The following CAPN5 variants were observed in gnomAD, a reference collection of about 807,000 sequenced individuals.
CAPN5 encodes calpain 5, also known as calpain-5.
A neutral mutation model predicts 73.0 loss-of-function variants in CAPN5; 54 were observed. The observed-to-expected ratio is 0.74, with a 90% CI of 0.59 to 0.93. The LOEUF (loss-of-function observed/expected upper bound fraction) is 0.93. Among genes scored for constraint, CAPN5 ranks in the 40% least tolerant of loss-of-function variants. The pLI is 0.00. For synonymous variants in CAPN5, 335 were observed against 356.9 expected, an observed-to-expected ratio of 0.94 and a Z score of 0.69; for missense variants, 785 against 882.9, an observed-to-expected ratio of 0.89 and a Z score of 1.41.
In CAPN5 at chr11:77,114,354, G is replaced by T. The variant is rs367724731; in HGVS notation, c.619G>T (p.Asp207Tyr). 10 of 1,614,210 alleles carry T rather than the reference G, an allele frequency of 6.2e-6. No individual in the cohort carries two copies. Among genetic ancestry groups the T allele is most frequent in the Non-Finnish European group, 8.5e-6 (10 of 1,180,046 alleles). The change falls in exon 5 of 13, where the codon GAT becomes TAT. Residue 207 changes from aspartate to tyrosine, a missense_variant. Coordinates refer to ENST00000648180, the MANE Select transcript of CAPN5 (RefSeq NM_004055.5). ...CCTGACCGAGGGTGACTTTGCCAAC[G>T]ATGAGACTAAGAGGAACCAGCTCTT... is the stretch of plus-strand genomic sequence containing the variant. The part of the protein sequence containing the change: ...IDLTEGDFAN[D>Y]ETKRNQLFER...
At chr11:77,095,987 G>T (rs1950205139) in intron 3 of CAPN5, among the ~76,000 whole-genome samples, 2 of 152,276 alleles carry the variant, frequency 1.3e-5, no homozygotes, top group East Asian at 3.9e-4. Context: ...GTGCTGCTGT[G>T]GTGCTATGGG....
intron 9 of CAPN5, 29 bp from the exon 10 acceptor site, chr11:77,120,684 C>T (rs782082909): frequency 5.1e-6 from 8 of 1,555,666 alleles, no homozygotes; most frequent in South Asian, 2.3e-5. Context: ...TGTGTCTCCG[C>T]GTGGCCCAGC....
At chr11:77,083,567 C>T (rs1003354885) in intron 1 of CAPN5, among the ~76,000 whole-genome samples, 16 of 152,218 alleles carry the variant, frequency 1.1e-4, no homozygotes, top group African/African-American at 3.9e-4. Context: ...AGCCGTGTGC[C>T]CACCGGCACT....
intron 1 of CAPN5, among the ~76,000 whole-genome samples, chr11:77,072,743 CCA>C (rs1309849722): frequency 1.3e-5 from 2 of 152,216 alleles, no homozygotes; most frequent in Non-Finnish European, 2.9e-5. Context: ...CACTGTCTCA[CCA>C]GTCTTTAAAC....
At chr11:77,080,387 A>G (rs1347758443) in intron 1 of CAPN5, among the ~76,000 whole-genome samples, 1 of 152,026 alleles carries the variant, frequency 6.6e-6, no homozygotes, top group African/African-American at 2.4e-5. Flanking sequence ...CGTTCTTATT[A>G]TTCCCCTGGG....
chr11:77,122,535 C>CCCCCCCCCCCCCCCCCCCCACACCCCCA, intron 11 of CAPN5, 41 bp from the exon 12 acceptor site: 1 of 1,255,174 alleles, frequency 8.0e-7, no homozygotes, highest in East Asian at 2.7e-5. Flanking sequence ...GCCACAGCCC[C>CCCCCCCCCCCCCCCCCCCCACACCCCCA]CACCCCCACC....
intron 1 of CAPN5, 56 bp from the exon 2 acceptor site, chr11:77,084,796 G>A (rs1462638080): frequency 6.7e-7 from 1 of 1,491,892 alleles, no homozygotes; most frequent in Non-Finnish European, 9.3e-7. Context: ...GCTTCACAGG[G>A]CACATCAGGG....
At chr11:77,093,947 C>G (rs1591124843) in intron 3 of CAPN5, 134 bp downstream of exon 3, 1 of 1,285,620 alleles carries the variant, frequency 7.8e-7, no homozygotes, top group East Asian at 2.5e-5. Flanking sequence ...GGGTGGGGGC[C>G]CCCAGTACTG....
Position 77,107,782 on chromosome 11 carries a change from C to T in CAPN5, c.298-4807C>T, listed in dbSNP as rs114164100. Among the ~76,000 whole-genome samples, 200 of 152,342 alleles carry T rather than the reference C, an allele frequency of 1.3e-3. 1 individual carries two copies. The highest frequency in any genetic ancestry group is 4.7e-3 in the African/African-American group (196 of 41,562). On this transcript the variant is annotated intron_variant, in intron 3 of 12. Transcript: ENST00000648180. Reference sequence around the variant, plus strand: ...CCAGGTCAGCCCAAGTCAGTAAAGCCTCGTAAGCATGCAGTAGGTGATGGG... The same window carrying T: ...CCAGGTCAGCCCAAGTCAGTAAAGCTTCGTAAGCATGCAGTAGGTGATGGG...
chr11:77,078,188 A>G (rs1949992896), intron 1 of CAPN5, among the ~76,000 whole-genome samples: 1 of 152,180 alleles, frequency 6.6e-6, no homozygotes, highest in South Asian at 2.1e-4. Context: ...TAGTAGTTTC[A>G]TAATTTCAGG....
chr11:77,078,087 A>G (rs536257132), intron 1 of CAPN5, among the ~76,000 whole-genome samples: 2 of 151,760 alleles, frequency 1.3e-5, no homozygotes, highest in South Asian at 4.2e-4. Context: ...CCTTTTGTCT[A>G]TTTTTGCTTT....
chr11:77,122,548 C>T, intron 11 of CAPN5, 28 bp from the exon 12 acceptor site: 1 of 1,445,660 alleles, frequency 6.9e-7, no homozygotes, highest in Non-Finnish European at 9.6e-7. Context: ...CCCCCACCCT[C>T]ACCCCATCTC....
At position 77,125,288 on chromosome 11, in the gene CAPN5, G is replaced by A. The variant is rs1437783212; in HGVS notation, c.*1418G>A. On this transcript the variant is annotated 3_prime_UTR_variant, in exon 13 of 13. Coordinates refer to ENST00000648180, the MANE Select transcript of CAPN5 (RefSeq NM_004055.5). ...GTCTGGATCAGTGTTCTGGCTGGAG[G>A]TGCTGGATTCTCTGATTTTGCCTCC... 1.3e-5 allele frequency: 2 copies of A among 152,706 alleles called. No individual in the cohort carries two copies. Among genetic ancestry groups the A allele is most frequent in the Non-Finnish European group, 2.9e-5 (2 of 68,064 alleles). The allele number at this position is 152,706 out of a possible 1,614,324, so 9.5% of individuals were successfully genotyped here.
rs553160472 is a variant in CAPN5, at chr11:77,120,791, G to A, written c.1369G>A (p.Val457Ile). 28 of 1,614,082 alleles carry A rather than the reference G, an allele frequency of 1.7e-5. No individual in the cohort carries two copies. Among genetic ancestry groups the A allele is most frequent in the South Asian group, 7.7e-5 (7 of 91,062 alleles). Residue 457 changes from valine (V) to isoleucine (I), a missense_variant, in exon 10 of 13, where the codon GTC (valine) becomes ATC (isoleucine). Physicochemically the swap from Val to Ile is conservative, Grantham distance 29 (BLOSUM62 3). Transcript: ENST00000648180. ...ASSIYINSRSVFLRTDQPEGR... is the reference protein window; with the variant it reads ...ASSIYINSRSIFLRTDQPEGR... ...CTCCATCTACATCAACTCACGCAGC[G>A]TCTTCCTGCGCACCGACCAGCCCGA...
Position 77,093,730 on chromosome 11 carries a change from G to A in CAPN5, c.214G>A (p.Asp72Asn), listed in dbSNP as rs144453005. ...RLFVDGISSH[D>N]LHQGQVGNCW... ...CTTTGTGGATGGCATCAGCTCCCAC[G>A]ACCTGCACCAGGGCCAGGTGGGCAA... The change falls in exon 3 of 13, where the codon GAC becomes AAC. Residue 72 changes from aspartate to asparagine, a missense_variant. Transcript: ENST00000648180. 1,524 of 1,611,404 alleles carry A rather than the reference G, an allele frequency of 9.5e-4. 3 individuals are homozygous for A. Among genetic ancestry groups the A allele is most frequent in the Non-Finnish European group, 1.0e-3 (1,230 of 1,179,724 alleles).
rs1555037017 is a variant in CAPN5, at chr11:77,093,744, C to A, written c.228C>A (p.Gly76=). Residue 76 remains glycine (G), a synonymous_variant, in exon 3 of 13, where the codon GGC becomes GGA. Transcript: ENST00000648180. ...DGISSHDLHQ[G]QVGNCWFVAA... ...TCAGCTCCCACGACCTGCACCAGGG[C>A]CAGGTGGGCAACTGCTGGTTTGTGG... is the stretch of plus-strand genomic sequence containing the variant. 2 of 1,612,092 alleles carry A rather than the reference C, an allele frequency of 1.2e-6. No homozygotes were observed. Among genetic ancestry groups the A allele is most frequent in the African/African-American group, 2.7e-5 (2 of 74,940 alleles).
At position 77,115,604 on chromosome 11, in the gene CAPN5, G is replaced by A. The variant is rs782165984; in HGVS notation, c.893+16G>A. On this transcript the variant is annotated intron_variant, in intron 6 of 12. Transcript: ENST00000648180. ...GGAGTGACACGTGAGGCCTGGGGAT[G>A]GGGGTGCAGGCACAGGGCATGAGGG... 1.4e-5 allele frequency: 22 copies of A among 1,598,536 alleles called. No individual in the cohort carries two copies. The highest frequency in any genetic ancestry group is 1.8e-5 in the Non-Finnish European group (21 of 1,169,750).
At chr11:77,084,653 C>T (rs376903592) in intron 1 of CAPN5, among the ~76,000 whole-genome samples, 199 bp from the exon 2 acceptor site, 20 of 152,306 alleles carry the variant, frequency 1.3e-4, no homozygotes, top group South Asian at 1.2e-3. Context: ...GCTTCAGAAA[C>T]GAGAGAATCC....
chr11:77,109,605 T>C (rs531287289), intron 3 of CAPN5, among the ~76,000 whole-genome samples: 81 of 152,314 alleles, frequency 5.3e-4, no homozygotes, highest in African/African-American at 1.6e-3. Context: ...GCTGGCTTCC[T>C]TGGTTTCCGG....
Sources: allele counts gnomAD v4.1 joint callset (sites outside exome capture counted in the v4.1 genomes callset), GRCh38; gene constraint gnomAD v4.1.1; transcripts MANE v1.5; gene names NCBI Gene and HGNC (gene_info 2026-07-23, HGNC 2026-07-21).